Variants in CADM2 observed in about 807,000 individuals in gnomAD.
CADM2 encodes the protein cell adhesion molecule 2.
A neutral mutation model predicts 49.8 loss-of-function variants in CADM2; 12 were observed. That is an observed-to-expected ratio of 0.24 (90% CI 0.15 to 0.39). The LOEUF (loss-of-function observed/expected upper bound fraction) is 0.39, where lower values mean the gene tolerates loss of function less well. Among genes scored for constraint, CADM2 ranks in the 10% least tolerant of loss-of-function variants. The pLI, the probability that CADM2 is intolerant of heterozygous loss-of-function variation, is 1.00. For missense variants in CADM2, 378 were observed against 492.3 expected, an observed-to-expected ratio of 0.77 and a Z score of 2.20; for synonymous variants, 214 against 175.4, an observed-to-expected ratio of 1.22 and a Z score of -1.74.
chr3:85,920,818 G>A (rs1719005061), intron 6 of CADM2, among the ~76,000 whole-genome samples: 1 of 151,408 alleles, frequency 6.6e-6, no homozygotes, highest in Non-Finnish European at 1.5e-5. Flanking sequence ...ACTCATTGAA[G>A]AGGATATATA....
chr3:85,071,136 C>A (rs984457250), intron 1 of CADM2, among the ~76,000 whole-genome samples: 1 of 151,542 alleles, frequency 6.6e-6, no homozygotes, highest in Non-Finnish European at 1.5e-5. Context: ...TTCGTAAAAG[C>A]TTTTACTTAT....
chr3:85,720,066 T>A (rs976232644), intron 1 of CADM2, among the ~76,000 whole-genome samples: 26 of 152,180 alleles, frequency 1.7e-4, no homozygotes, highest in African/African-American at 6.3e-4. Flanking sequence ...AGTCTACACA[T>A]GATAATTAAT....
intron 1 of CADM2, among the ~76,000 whole-genome samples, chr3:85,442,334 T>G (rs2037241329): frequency 2.0e-5 from 3 of 151,848 alleles, no homozygotes; most frequent in Admixed American, 2.0e-4. Context: ...TTAAAATAAT[T>G]TACACAAATG....
intron 1 of CADM2, among the ~76,000 whole-genome samples, chr3:85,063,362 C>T (rs1055588456): frequency 4.6e-5 from 7 of 151,750 alleles, no homozygotes; most frequent in South Asian, 2.1e-4. Context: ...ATTTAATCTC[C>T]GATGATCCAC....
chr3:85,525,056 G>C (rs111249319), intron 1 of CADM2, among the ~76,000 whole-genome samples: 5,172 of 152,176 alleles, frequency 0.034, 296 homozygotes, highest in African/African-American at 0.12. Flanking sequence ...ACATAACGTA[G>C]ATGACAGGCT....
intron 1 of CADM2, among the ~76,000 whole-genome samples, chr3:85,058,734 C>T (rs960472326): frequency 7.9e-5 from 12 of 151,932 alleles, no homozygotes; most frequent in East Asian, 1.9e-4. Flanking sequence ...CATGAGCCAC[C>T]GCGCCCAGCT....
At chr3:85,231,238 T>A (rs1000755329) in intron 1 of CADM2, among the ~76,000 whole-genome samples, 1 of 152,222 alleles carries the variant, frequency 6.6e-6, no homozygotes, top group African/African-American at 2.4e-5. Flanking sequence ...GACAATTTTT[T>A]TCATTGCTAT....
intron 1 of CADM2, among the ~76,000 whole-genome samples, chr3:85,679,511 C>A (rs1327541441): frequency 1.3e-5 from 2 of 152,104 alleles, no homozygotes. Flanking sequence ...GCACTTTAAA[C>A]GATATTGGGA....
At chr3:85,657,353 A>G (rs1268373958) in intron 1 of CADM2, among the ~76,000 whole-genome samples, 5 of 152,112 alleles carry the variant, frequency 3.3e-5, no homozygotes, top group Admixed American at 3.3e-4. Context: ...ATTAAGTAAT[A>G]CATTTAAGAG....
chr3:85,772,466 C>T (rs1362601242), intron 2 of CADM2, among the ~76,000 whole-genome samples: 1 of 151,790 alleles, frequency 6.6e-6, no homozygotes, highest in African/African-American at 2.4e-5. Flanking sequence ...TGAATATAAG[C>T]CTTGAATTAA....
intron 1 of CADM2, among the ~76,000 whole-genome samples, chr3:85,328,707 A>G (rs1291632723): frequency 6.6e-6 from 1 of 152,194 alleles, no homozygotes; most frequent in African/African-American, 2.4e-5. Flanking sequence ...ATCTAAATCA[A>G]TGATTAAAAT....
chr3:85,107,048 TAAC>T (rs1223142486), intron 1 of CADM2, among the ~76,000 whole-genome samples: 3 of 152,106 alleles, frequency 2.0e-5, no homozygotes, highest in Non-Finnish European at 4.4e-5. Flanking sequence ...AGAGGTAAGA[TAAC>T]AACTGATTGT....
At chr3:85,044,804 CT>C (rs56232557) in intron 1 of CADM2, among the ~76,000 whole-genome samples, 25 of 142,364 alleles carry the variant, frequency 1.8e-4, no homozygotes, top group East Asian at 1.2e-3. Context: ...TTTTTCTTTT[CT>C]TTTTTTTTTT....
At chr3:85,367,855 G>GTA (rs201087226) in intron 1 of CADM2, among the ~76,000 whole-genome samples, 1,990 of 151,522 alleles carry the variant, frequency 0.013, 25 homozygotes, top group Non-Finnish European at 0.021. Context: ...GTGTGTGTGT[G>GTA]TGTACCACAT....
intron 1 of CADM2, among the ~76,000 whole-genome samples, chr3:85,370,993 A>T (rs1036460570): frequency 1.3e-5 from 2 of 151,888 alleles, no homozygotes; most frequent in Non-Finnish European, 2.9e-5. Flanking sequence ...CAGAATAAGA[A>T]TTTTTTTAAA....
intron 1 of CADM2, among the ~76,000 whole-genome samples, chr3:85,406,581 T>C (rs1352324926): frequency 2.0e-5 from 3 of 152,176 alleles, no homozygotes; most frequent in African/African-American, 4.8e-5. Flanking sequence ...AATTGCTTAG[T>C]TGAGTTCTCT....
At chr3:85,660,470 A>C (rs1355095614) in intron 1 of CADM2, among the ~76,000 whole-genome samples, 3 of 151,650 alleles carry the variant, frequency 2.0e-5, no homozygotes, top group South Asian at 2.1e-4. Flanking sequence ...AAAATGAACA[A>C]ATTTTCTAGT....
chr3:85,997,271 G>C (rs1214265608), intron 8 of CADM2, among the ~76,000 whole-genome samples: 5 of 152,254 alleles, frequency 3.3e-5, no homozygotes, highest in Non-Finnish European at 7.4e-5. Flanking sequence ...CAGAATAAAA[G>C]CCCTGTGTAT....
At chr3:85,931,757 AG>A (rs1230368885) in intron 6 of CADM2, among the ~76,000 whole-genome samples, 1 of 152,142 alleles carries the variant, frequency 6.6e-6, no homozygotes, top group Non-Finnish European at 1.5e-5. Context: ...CATTTATTAA[AG>A]AACTTGATAA....
Sources: gnomAD v4.1 joint callset for allele counts (sites outside exome capture counted in the v4.1 genomes callset) on GRCh38, gnomAD v4.1.1 for gene constraint, MANE v1.5 for transcripts, NCBI Gene and HGNC (gene_info 2026-07-23, HGNC 2026-07-21) for gene names.